Variants in CSNK1G1 observed in about 807,000 individuals in gnomAD.
CSNK1G1 encodes casein kinase 1 gamma 1, also known as casein kinase I isoform gamma-1.
Under a neutral mutation model 59.6 loss-of-function variants are expected in CSNK1G1, and 22 were observed. The ratio of observed to expected loss-of-function variants is 0.37; its 90% CI spans 0.26 to 0.53. The LOEUF is 0.53. CSNK1G1 is among the 20% of genes least tolerant of loss of function. The pLI, the probability that CSNK1G1 is intolerant of heterozygous loss-of-function variation, is 0.89. For missense variants in CSNK1G1, 384 were observed against 519.5 expected, an observed-to-expected ratio of 0.74 and a Z score of 2.54; for synonymous variants, 179 against 177.1, an observed-to-expected ratio of 1.01 and a Z score of -0.08.
At chr15:64,254,895 T>C (rs1471849143) in intron 3 of CSNK1G1, among the ~76,000 whole-genome samples, 1 of 152,202 alleles carries the variant, frequency 6.6e-6, no homozygotes, top group Non-Finnish European at 1.5e-5. Context: ...GCTTTTCCCA[T>C]GTGTATTCTA....
intron 4 of CSNK1G1, among the ~76,000 whole-genome samples, chr15:64,231,478 G>A (rs1877680813): frequency 6.7e-6 from 1 of 149,608 alleles, no homozygotes; most frequent in African/African-American, 2.5e-5. Context: ...TATATTAGGT[G>A]CTGTGCCTAT....
intron 1 of CSNK1G1, among the ~76,000 whole-genome samples, chr15:64,350,546 G>C (rs1448619808): frequency 6.6e-6 from 1 of 151,910 alleles, no homozygotes; most frequent in Non-Finnish European, 1.5e-5. Flanking sequence ...AGAATTAAAA[G>C]ATGCATGAAG....
chr15:64,262,150 T>C (rs1389426119), intron 2 of CSNK1G1, among the ~76,000 whole-genome samples: 1 of 151,782 alleles, frequency 6.6e-6, no homozygotes, highest in Admixed American at 6.6e-5. Context: ...GAATATTTAA[T>C]GCCCATCTAC....
rs143406115 is a variant in CSNK1G1, at chr15:64,353,353, T to C, written c.-225+2635A>G. 8.4e-4 allele frequency among the ~76,000 whole-genome samples: 127 copies of C among 151,790 alleles called. 1 individual carries two copies. The highest frequency in any genetic ancestry group is 2.9e-3 in the African/African-American group (120 of 41,410). On this transcript the variant is annotated intron_variant, in intron 1 of 11. Coordinates refer to ENST00000303052, the MANE Select transcript of CSNK1G1 (RefSeq NM_022048.5). ...ATTTTAAATCCACAAAACAAATGAG[T>C]ATAAAGACTTTGGCCGGGTACGGTG...
At chr15:64,355,502 C>G (rs1898603956) in intron 1 of CSNK1G1, among the ~76,000 whole-genome samples, 1 of 152,224 alleles carries the variant, frequency 6.6e-6, no homozygotes, top group Non-Finnish European at 1.5e-5. Context: ...ACTCTTGTGC[C>G]CTAAGCTCCG....
chr15:64,264,178 C>T (rs146266391), intron 2 of CSNK1G1, among the ~76,000 whole-genome samples: 1,906 of 152,144 alleles, frequency 0.013, 29 homozygotes, highest in African/African-American at 0.044. Context: ...CTTCATTCTT[C>T]GGTTTGCTGT....
At chr15:64,213,338 G>A (rs1427314334) in intron 6 of CSNK1G1, among the ~76,000 whole-genome samples, 1 of 152,086 alleles carries the variant, frequency 6.6e-6, no homozygotes, top group East Asian at 1.9e-4. Context: ...TCACAGGTAA[G>A]GTCTTCTGCC....
Position 64,188,994 on chromosome 15 carries a change from C to T in CSNK1G1, c.1108-8540G>A, listed in dbSNP as rs56202262. Among the ~76,000 whole-genome samples the T allele has an allele frequency of 0.055, 8,343 of 152,134 alleles. 706 individuals carry two copies. Among genetic ancestry groups the T allele is most frequent in the African/African-American group, 0.18 (7,553 of 41,462 alleles). ...TACAAAAATGAGCTGGGCATGGTGGCGCACACCTGTGATCCCAGCTACTCG... is the reference window on the plus strand; with the variant it reads ...TACAAAAATGAGCTGGGCATGGTGGTGCACACCTGTGATCCCAGCTACTCG... On this transcript the variant is annotated intron_variant, in intron 10 of 11. Coordinates refer to ENST00000303052, the MANE Select transcript of CSNK1G1 (RefSeq NM_022048.5). This position sits in a 1 kb window ranked among gnomAD's most constrained non-coding sequence, Gnocchi z 4.2.
chr15:64,243,531 CT>C (rs1404062086), intron 4 of CSNK1G1, among the ~76,000 whole-genome samples: 6 of 152,084 alleles, frequency 3.9e-5, no homozygotes, highest in African/African-American at 1.4e-4. Flanking sequence ...CAACATAGTA[CT>C]AGAAGTACTA....
intron 2 of CSNK1G1, among the ~76,000 whole-genome samples, chr15:64,265,387 T>C (rs1265142119): frequency 6.6e-6 from 1 of 152,144 alleles, no homozygotes; most frequent in Non-Finnish European, 1.5e-5. Flanking sequence ...GGGTGGGTTT[T>C]TCACATGCTG....
intron 1 of CSNK1G1, among the ~76,000 whole-genome samples, chr15:64,302,415 T>A (rs1895405852): frequency 6.6e-6 from 1 of 152,214 alleles, no homozygotes; most frequent in African/African-American, 2.4e-5. Flanking sequence ...ATTGCTTTAT[T>A]ATAGTTTAAA....
chr15:64,254,293 T>C (rs1175611432), intron 3 of CSNK1G1, among the ~76,000 whole-genome samples: 1 of 151,866 alleles, frequency 6.6e-6, no homozygotes, highest in African/African-American at 2.4e-5. Context: ...ATGAAAAAGT[T>C]CTGGAGATGG....
intron 10 of CSNK1G1, among the ~76,000 whole-genome samples, chr15:64,199,026 G>A (rs1730975475): frequency 6.6e-6 from 1 of 151,194 alleles, no homozygotes; most frequent in African/African-American, 2.4e-5. Flanking sequence ...CAGATTGCTT[G>A]AACCCAGGAA....
rs571512633 is a variant in CSNK1G1 at position 64,243,520 on chromosome 15, T to C, written c.292+7992A>G. ...GGATGCCGTCTCTCACCACTCTAAT[T>C]CAACATAGTACTAGAAGTACTATCC... is the stretch of plus-strand genomic sequence containing the variant. On this transcript the variant is annotated intron_variant, in intron 4 of 11. Transcript: ENST00000303052. 5.9e-5 allele frequency among the ~76,000 whole-genome samples: 9 copies of C among 151,988 alleles called. No individual in the cohort carries two copies. In the East Asian group the frequency reaches 1.5e-3, roughly 26 times the overall value.
At position 64,166,229 on chromosome 15, in the gene CSNK1G1, G is replaced by A; in HGVS notation, c.*5702C>T. ...CAACATCTTTTTAAGAGTACAATGGGCAAAGATCAAAGACAGATAAATAAT... is the reference window on the plus strand; with the variant it reads ...CAACATCTTTTTAAGAGTACAATGGACAAAGATCAAAGACAGATAAATAAT... On this transcript the variant is annotated 3_prime_UTR_variant, in exon 12 of 12. Coordinates refer to ENST00000303052, the MANE Select transcript of CSNK1G1 (RefSeq NM_022048.5). This position sits in a 1 kb window ranked among gnomAD's most constrained non-coding sequence, Gnocchi z 4.5. 1 of 427,406 alleles carries A rather than the reference G, an allele frequency of 2.3e-6. No homozygotes were observed. Among genetic ancestry groups the A allele is most frequent in the Non-Finnish European group, 4.1e-6 (1 of 242,872 alleles). 26.5% of individuals were successfully genotyped at this position (427,406 alleles called of 1,614,324 possible). A position where few individuals can be genotyped will look rare whatever the true frequency, so the allele number is the denominator to read the frequency against.
intron 1 of CSNK1G1, among the ~76,000 whole-genome samples, chr15:64,346,076 C>T (rs149009265): frequency 0.014 from 1,893 of 139,874 alleles, 29 homozygotes; most frequent in African/African-American, 0.047. Flanking sequence ...CCACTGCACC[C>T]GGCAGAAAAA....
intron 2 of CSNK1G1, among the ~76,000 whole-genome samples, chr15:64,290,873 C>G (rs1894701214): frequency 1.3e-5 from 2 of 152,260 alleles, no homozygotes; most frequent in Admixed American, 1.3e-4. Flanking sequence ...ACAACCATGC[C>G]TGGCTAATTT....
intron 2 of CSNK1G1, among the ~76,000 whole-genome samples, chr15:64,271,843 T>C (rs545318642): frequency 6.6e-6 from 1 of 152,212 alleles, no homozygotes; most frequent in African/African-American, 2.4e-5. Context: ...ATCATCTGTT[T>C]GATACTGTCA....
chr15:64,278,532 G>T (rs1404123897), intron 2 of CSNK1G1, among the ~76,000 whole-genome samples: 2 of 151,416 alleles, frequency 1.3e-5, no homozygotes, highest in South Asian at 4.2e-4. Flanking sequence ...GGGTTCAAGC[G>T]ATTCGCCTGC....
Sources: gnomAD v4.1 joint callset for allele counts (sites outside exome capture counted in the v4.1 genomes callset) on GRCh38, gnomAD v4.1.1 for gene constraint, Gnocchi (gnomAD v3.1) non-coding constraint, MANE v1.5 for transcripts, NCBI Gene and HGNC (gene_info 2026-07-23, HGNC 2026-07-21) for gene names.